Variants in GABRG2 observed in about 807,000 individuals in gnomAD.
GABRG2 encodes gamma-aminobutyric acid type A receptor subunit gamma2.
Under a neutral mutation model 56.4 loss-of-function variants are expected in GABRG2, and 16 were observed. That is an observed-to-expected ratio of 0.28 (90% confidence interval 0.19 to 0.43). The LOEUF (loss-of-function observed/expected upper bound fraction) is 0.43. Ranked by LOEUF, GABRG2 falls within the 20% of genes least tolerant of loss-of-function variation. GABRG2 has a pLI of 1.00. For synonymous variants in GABRG2, 208 were observed against 205.5 expected (o/e 1.01, Z -0.10); for missense variants, 327 against 582.7 (o/e 0.56, Z 4.52).
chr5:162,121,667 T>C (rs1762988271), intron 6 of GABRG2, among the ~76,000 whole-genome samples: 1 of 152,034 alleles, frequency 6.6e-6, no homozygotes, highest in Non-Finnish European at 1.5e-5. Context: ...AACATCCAAT[T>C]TTATGTTTAT....
At chr5:162,088,567 G>A (rs1194634473) in intron 1 of GABRG2, among the ~76,000 whole-genome samples, 2 of 152,070 alleles carry the variant, frequency 1.3e-5, no homozygotes, top group East Asian at 1.9e-4. Flanking sequence ...TGTGCTAAAG[G>A]CATCATGTCT....
intron 5 of GABRG2, chr5:162,102,754 C>A (rs1406590664): frequency 1.1e-5 from 4 of 357,422 alleles, no homozygotes; most frequent in Non-Finnish European, 2.2e-5. Context: ...TGGATATTAT[C>A]ACTGTTTTCC....
At chr5:162,073,953 C>T (rs946668172) in intron 1 of GABRG2, among the ~76,000 whole-genome samples, 2 of 151,834 alleles carry the variant, frequency 1.3e-5, no homozygotes, top group Non-Finnish European at 2.9e-5. Context: ...GAATTCATAG[C>T]GCAATACATC....
chr5:162,078,490 T>C (rs1380204114), intron 1 of GABRG2, among the ~76,000 whole-genome samples: 1 of 138,314 alleles, frequency 7.2e-6, no homozygotes, highest in Non-Finnish European at 1.5e-5. Flanking sequence ...CACTGCAAGC[T>C]GCGCCTCCCA....
rs61750979 is a variant in GABRG2 at position 162,068,040 on chromosome 5, A to C, written c.41A>C (p.Tyr14Ser). The C allele has an allele frequency of 1.9e-6, 3 of 1,612,182 alleles. No individual in the cohort carries two copies. The highest frequency in any genetic ancestry group is 2.5e-6 in the Non-Finnish European group (3 of 1,179,690). Residue 14 changes from tyrosine to serine, a missense_variant, in exon 1 of 10, where the codon TAC (tyrosine) becomes TCC (serine). Around this residue, in one of 4 missense-constraint regions of GABRG2, gnomAD observed 73 missense variants for 72.2 expected, o/e 1.01. Transcript: ENST00000639213. ...PNIWSTGSSV[Y>S]STPVFSQKMT... ...ATATGGAGCACAGGAAGCTCAGTCT[A>C]CTCGACTCCTGTATTTTCACAGAAA...
At chr5:162,073,628 A>T (rs569739612) in intron 1 of GABRG2, among the ~76,000 whole-genome samples, 6 of 152,114 alleles carry the variant, frequency 3.9e-5, no homozygotes, top group Non-Finnish European at 7.4e-5. Context: ...ATATTCAAAG[A>T]TGACATATTT....
intron 1 of GABRG2, among the ~76,000 whole-genome samples, chr5:162,083,956 A>G (rs1386593998): frequency 2.6e-5 from 4 of 151,866 alleles, no homozygotes; most frequent in Admixed American, 6.6e-5. Flanking sequence ...AATAAAAACA[A>G]TACAAACTGG....
rs1368339992 is a variant in GABRG2, at chr5:162,154,650, A to T, written c.*1282A>T. 1 of 152,144 alleles carries T rather than the reference A, an allele frequency of 6.6e-6. No individual in the cohort carries two copies. Among genetic ancestry groups the T allele is most frequent in the East Asian group, 1.9e-4 (1 of 5,192 alleles). The allele number at this position is 152,144 out of a possible 1,614,324, so 9.4% of individuals were successfully genotyped here. On this transcript the variant is annotated 3_prime_UTR_variant, in exon 10 of 10. Coordinates refer to ENST00000639213, the MANE Select transcript of GABRG2 (RefSeq NM_198904.4). ...TATGTTTGTGTATAGACATGACTCT[A>T]CTAGGGCATAATTAGAGTTTGTGTA...
chr5:162,126,731 T>C (rs1421845932), intron 6 of GABRG2, among the ~76,000 whole-genome samples: 1 of 151,980 alleles, frequency 6.6e-6, no homozygotes, highest in Non-Finnish European at 1.5e-5. Context: ...GTTTTTCAAA[T>C]AACTCAGGCT....
rs1012267440 is a variant in GABRG2, at chr5:162,145,746, T to C, written c.923-3362T>C. 9.2e-5 allele frequency among the ~76,000 whole-genome samples: 14 copies of C among 152,154 alleles called. 1 individual carries two copies. Among genetic ancestry groups the C allele is most frequent in the African/African-American group, 2.9e-4 (12 of 41,442 alleles). ...GCCACATTTTAAAAAAATTAACTCA[T>C]CTACAGTACCTACCATAAATACTGA... On this transcript the variant is annotated intron_variant, in intron 7 of 9. Coordinates refer to ENST00000639213, the MANE Select transcript of GABRG2 (RefSeq NM_198904.4).
intron 1 of GABRG2, among the ~76,000 whole-genome samples, chr5:162,068,880 G>C (rs529174947): frequency 6.6e-6 from 1 of 152,194 alleles, no homozygotes; most frequent in African/African-American, 2.4e-5. Flanking sequence ...TTGGGCATAG[G>C]GTGGAGAACG....
At chr5:162,088,373 CT>C (rs1374509380) in intron 1 of GABRG2, among the ~76,000 whole-genome samples, 2 of 152,146 alleles carry the variant, frequency 1.3e-5, no homozygotes, top group African/African-American at 4.8e-5. Flanking sequence ...ATTGAACTAG[CT>C]TATATGTGTG....
At chr5:162,103,591 C>T (rs1761593849) in intron 5 of GABRG2, 5 of 389,350 alleles carry the variant, frequency 1.3e-5, no homozygotes, top group Admixed American at 3.7e-5. Context: ...ATGCACTATT[C>T]CAGATGATGT....
intron 7 of GABRG2, among the ~76,000 whole-genome samples, chr5:162,144,057 C>T (rs1004134104): frequency 1.3e-5 from 2 of 152,190 alleles, no homozygotes; most frequent in African/African-American, 2.4e-5. Context: ...TAATGCTACA[C>T]GCTGAAACAA....
chr5:162,095,334 A>G (rs1760919320), intron 2 of GABRG2, among the ~76,000 whole-genome samples, 161 bp from the exon 3 acceptor site: 1 of 152,180 alleles, frequency 6.6e-6, no homozygotes, highest in Non-Finnish European at 1.5e-5. Flanking sequence ...TTTGAAAACA[A>G]AATAGTTATT....
intron 2 of GABRG2, 173 bp downstream of exon 2, chr5:162,094,152 A>G (rs1429296818): frequency 3.1e-6 from 2 of 642,142 alleles, no homozygotes; most frequent in Non-Finnish European, 5.4e-6. Flanking sequence ...GAGAGGTGTC[A>G]ATACATTCAA....
chr5:162,108,254 T>C (rs1761978575), intron 6 of GABRG2, among the ~76,000 whole-genome samples: 1 of 152,156 alleles, frequency 6.6e-6, no homozygotes, highest in Non-Finnish European at 1.5e-5. Flanking sequence ...AGTGAGCTGA[T>C]ATATCCCTTC....
chr5:162,111,370 T>C (rs905560527), intron 6 of GABRG2, among the ~76,000 whole-genome samples: 25 of 152,162 alleles, frequency 1.6e-4, no homozygotes, highest in African/African-American at 6.0e-4. Flanking sequence ...ATTTGGATTT[T>C]AAATTCCAAG....
intron 1 of GABRG2, among the ~76,000 whole-genome samples, chr5:162,084,848 A>C (rs209351): frequency 0.87 from 131,786 of 151,808 alleles, 57,347 homozygotes; most frequent in East Asian, 0.92. Flanking sequence ...AAATGCAGTC[A>C]ATGTGTGTTT....
Sources: gnomAD v4.1 joint callset for allele counts (sites outside exome capture counted in the v4.1 genomes callset) on GRCh38, gnomAD v4.1.1 for gene constraint, gnomAD v4.1.1 regional missense constraint, MANE v1.5 for transcripts, NCBI Gene and HGNC (gene_info 2026-07-23, HGNC 2026-07-21) for gene names.